The following ATP10B variants were observed in gnomAD, a reference collection of about 807,000 sequenced individuals.
ATP10B encodes ATPase phospholipid transporting 10B (putative), also known as phospholipid-transporting ATPase VB.
Under a neutral mutation model 141.2 loss-of-function variants are expected in ATP10B, and 122 were observed. The observed-to-expected ratio is 0.86, with a 90% confidence interval of 0.75 to 1.00. The LOEUF (loss-of-function observed/expected upper bound fraction) is 1.00, where lower values mean the gene tolerates loss of function less well. Among genes scored for constraint, ATP10B ranks in the 50% least tolerant of loss-of-function variants. The pLI is 0.00. For missense variants in ATP10B, 1,876 were observed against 1,825.3 expected (o/e 1.03, Z -0.51); for synonymous variants, 685 against 692.0 (o/e 0.99, Z 0.16).
At chr5:160,755,965 C>G (rs1012754788) in intron 2 of ATP10B, among the ~76,000 whole-genome samples, 2 of 144,984 alleles carry the variant, frequency 1.4e-5, no homozygotes, top group African/African-American at 2.5e-5. Flanking sequence ...CTAAAGTGAA[C>G]AATCTGATGA....
chr5:160,681,326 A>G (rs7701824), intron 6 of ATP10B, among the ~76,000 whole-genome samples: 32,017 of 152,148 alleles, frequency 0.21, 4,021 homozygotes, highest in East Asian at 0.38. Context: ...CTGACTCCCA[A>G]ATTTCACAAA....
At chr5:160,636,103 G>T (rs1330187269) in intron 11 of ATP10B, 79 bp downstream of exon 11, 2 of 1,473,916 alleles carry the variant, frequency 1.4e-6, no homozygotes, top group Non-Finnish European at 1.8e-6. Context: ...GGCCAGCACT[G>T]TTTTTTCTTT....
intron 2 of ATP10B, among the ~76,000 whole-genome samples, chr5:160,734,112 A>T (rs74435726): frequency 6.6e-6 from 1 of 150,448 alleles, no homozygotes; most frequent in East Asian, 1.9e-4. Flanking sequence ...ATCTCAAAAA[A>T]AAAAAAAAAA....
At chr5:160,634,196 C>A in intron 12 of ATP10B, 158 bp downstream of exon 12, 2 of 994,054 alleles carry the variant, frequency 2.0e-6, no homozygotes, top group Non-Finnish European at 3.2e-6. Context: ...CAGCCCTGAT[C>A]TGTGACAAGG....
At chr5:160,575,198 A>G in intron 24 of ATP10B, among the ~76,000 whole-genome samples, 1 of 152,152 alleles carries the variant, frequency 6.6e-6, no homozygotes, top group East Asian at 1.9e-4. Flanking sequence ...GCTAAAATTA[A>G]TTTAACATAG....
At chr5:160,785,245 G>A (rs562526789) in intron 2 of ATP10B, among the ~76,000 whole-genome samples, 3 of 152,160 alleles carry the variant, frequency 2.0e-5, no homozygotes, top group East Asian at 1.9e-4. Flanking sequence ...CCTTGAATCT[G>A]TACTTTCTGT....
intron 18 of ATP10B, among the ~76,000 whole-genome samples, chr5:160,607,817 T>C (rs1408510621): frequency 6.6e-6 from 1 of 152,252 alleles, no homozygotes; most frequent in Non-Finnish European, 1.5e-5. Flanking sequence ...TTTTCTTCCA[T>C]TACTTTTGAT....
At chr5:160,685,336 G>C (rs1295072335) in intron 6 of ATP10B, 3 of 575,036 alleles carry the variant, frequency 5.2e-6, no homozygotes, top group Non-Finnish European at 9.1e-6. Flanking sequence ...GAAAAGCCAG[G>C]CTGCAAACCC....
chr5:160,740,280 A>T (rs1767375575), intron 2 of ATP10B, among the ~76,000 whole-genome samples: 1 of 152,256 alleles, frequency 6.6e-6, no homozygotes. Context: ...AATAATTTTC[A>T]TTTAGGGTCC....
rs1754470267 is a variant in ATP10B at position 160,565,433 on chromosome 5, G to A, written c.*20C>T. 2 of 1,611,548 alleles carry A rather than the reference G, an allele frequency of 1.2e-6. No individual in the cohort carries two copies. The highest frequency in any genetic ancestry group is 2.7e-5 in the African/African-American group (2 of 74,882). ...TGACTAGGTGGCCTCTGTTGAGTTT[G>A]TACAGATTTCTGCAGCTCCTCATAT... On this transcript the variant is annotated 3_prime_UTR_variant, in exon 26 of 26. Coordinates refer to ENST00000327245, the MANE Select transcript of ATP10B (RefSeq NM_025153.3).
chr5:160,662,379 T>C (rs1036178863), intron 7 of ATP10B, among the ~76,000 whole-genome samples: 18 of 152,238 alleles, frequency 1.2e-4, no homozygotes, highest in African/African-American at 4.3e-4. Context: ...GGCATCATGC[T>C]ACCTGACTTC....
At chr5:160,653,852 TATAA>T (rs1478168556) in intron 7 of ATP10B, among the ~76,000 whole-genome samples, 38 of 126,532 alleles carry the variant, frequency 3.0e-4, no homozygotes, top group African/African-American at 9.3e-4. Flanking sequence ...TATATACATA[TATAA>T]ATATATATTA....
chr5:160,807,499 C>T (rs1390202410), intron 1 of ATP10B, among the ~76,000 whole-genome samples: 1 of 151,900 alleles, frequency 6.6e-6, no homozygotes, highest in East Asian at 1.9e-4. Context: ...ACTCAGCACT[C>T]AACAATTGGA....
At chr5:160,653,029 T>C (rs1221193129) in intron 7 of ATP10B, among the ~76,000 whole-genome samples, 3 of 113,114 alleles carry the variant, frequency 2.7e-5, no homozygotes, top group Non-Finnish European at 5.0e-5. Context: ...TATATATTTA[T>C]ATATTTATAT....
At chr5:160,673,766 CAG>C (rs1398230511) in intron 6 of ATP10B, among the ~76,000 whole-genome samples, 13 of 152,160 alleles carry the variant, frequency 8.5e-5, no homozygotes, top group African/African-American at 3.1e-4. Flanking sequence ...TCTGCTGACT[CAG>C]GGGATAATAT....
At chr5:160,752,243 A>G (rs1339153325) in intron 2 of ATP10B, among the ~76,000 whole-genome samples, 2 of 130,424 alleles carry the variant, frequency 1.5e-5, no homozygotes, top group Middle Eastern at 4.8e-3. Context: ...GAATCTTTCC[A>G]TTTCCCTTTG....
At chr5:160,670,420 C>T in intron 7 of ATP10B, 43 bp downstream of exon 7, 1 of 1,599,732 alleles carries the variant, frequency 6.3e-7, no homozygotes, top group Non-Finnish European at 8.6e-7. Flanking sequence ...GGCTTGCATC[C>T]TTTCTATGAC....
chr5:160,812,067 GGA>G (rs1272611943), intron 1 of ATP10B, among the ~76,000 whole-genome samples: 2 of 123,262 alleles, frequency 1.6e-5, no homozygotes, highest in African/African-American at 3.1e-5. Context: ...AGAGGGAGAG[GGA>G]GAGAGATTCC....
intron 6 of ATP10B, among the ~76,000 whole-genome samples, chr5:160,677,140 C>A (rs749463947): frequency 2.6e-4 from 40 of 152,172 alleles, no homozygotes; most frequent in Non-Finnish European, 5.0e-4. Context: ...ACAAATCATG[C>A]CTGATGACAA....
Sources: allele counts gnomAD v4.1 joint callset (sites outside exome capture counted in the v4.1 genomes callset), GRCh38; gene constraint gnomAD v4.1.1; transcripts MANE v1.5; gene names NCBI Gene and HGNC (gene_info 2026-07-23, HGNC 2026-07-21).